The following GDI2 variants were observed in gnomAD, a reference collection of about 807,000 sequenced individuals.
The protein encoded by GDI2 is GDP dissociation inhibitor 2.
GDI2 carries 22 observed loss-of-function variants against 54.2 expected under a neutral mutation model. The observed-to-expected ratio is 0.41, with a 90% confidence interval of 0.29 to 0.58. The LOEUF (loss-of-function observed/expected upper bound fraction) is 0.58. Ranked by LOEUF, GDI2 falls within the 20% of genes least tolerant of loss-of-function variation. The pLI, the probability that GDI2 is intolerant of heterozygous loss-of-function variation, is 0.35. For missense variants in GDI2, 422 were observed against 546.0 expected (o/e 0.77, Z 2.26); for synonymous variants, 177 against 182.1 (o/e 0.97, Z 0.23).
chr10:5,771,490 C>T (rs1415576974), intron 7 of GDI2, among the ~76,000 whole-genome samples: 3 of 152,184 alleles, frequency 2.0e-5, no homozygotes, highest in Non-Finnish European at 4.4e-5. Flanking sequence ...CAAGACAATT[C>T]TTCCTCTTCC....
At chr10:5,801,824 A>G (rs2131716272) in intron 1 of GDI2, among the ~76,000 whole-genome samples, 1 of 152,230 alleles carries the variant, frequency 6.6e-6, no homozygotes, top group Middle Eastern at 3.4e-3. Flanking sequence ...CAGCCTGGGC[A>G]ATACGGTGAA....
intron 2 of GDI2, among the ~76,000 whole-genome samples, chr10:5,799,997 T>C (rs2131713965): frequency 6.6e-6 from 1 of 152,338 alleles, no homozygotes; most frequent in East Asian, 1.9e-4. Context: ...TCCTTTTTGG[T>C]AAGTATTGTC....
At chr10:5,811,149 C>A (rs1405328975) in intron 1 of GDI2, among the ~76,000 whole-genome samples, 1 of 152,134 alleles carries the variant, frequency 6.6e-6, no homozygotes. Flanking sequence ...TATATGATTT[C>A]TCATTATCAA....
At chr10:5,807,820 T>C (rs1005276163) in intron 1 of GDI2, among the ~76,000 whole-genome samples, 1 of 152,144 alleles carries the variant, frequency 6.6e-6, no homozygotes, top group Non-Finnish European at 1.5e-5. Context: ...AATAACTCAT[T>C]TGGACAACAC....
intron 1 of GDI2, among the ~76,000 whole-genome samples, chr10:5,813,000 C>T (rs1017918782): frequency 7.2e-5 from 11 of 152,324 alleles, no homozygotes; most frequent in South Asian, 4.1e-4. Flanking sequence ...ATCTCCATTT[C>T]CCCGCCTGCC....
chr10:5,786,796 T>C (rs964189998), intron 4 of GDI2, among the ~76,000 whole-genome samples: 5 of 152,224 alleles, frequency 3.3e-5, no homozygotes, highest in African/African-American at 7.2e-5. Flanking sequence ...AACCGGGCAC[T>C]TAATGATAAC....
intron 5 of GDI2, among the ~76,000 whole-genome samples, chr10:5,785,644 G>A (rs1473044045): frequency 2.0e-5 from 3 of 152,164 alleles, no homozygotes; most frequent in Non-Finnish European, 4.4e-5. Context: ...CCAAAGTGCT[G>A]GGATCACAGG....
At chr10:5,809,301 T>C (rs1841442424) in intron 1 of GDI2, among the ~76,000 whole-genome samples, 1 of 151,678 alleles carries the variant, frequency 6.6e-6, no homozygotes, top group Non-Finnish European at 1.5e-5. Context: ...ATGTGGCTAA[T>C]TATATCACTC....
At chr10:5,775,326 T>C (rs1468043440) in intron 6 of GDI2, among the ~76,000 whole-genome samples, 2 of 152,094 alleles carry the variant, frequency 1.3e-5, no homozygotes, top group Non-Finnish European at 1.5e-5. Flanking sequence ...AAGGCAGCAC[T>C]GGAGAATGAC....
chr10:5,776,265 A>G lies in GDI2; in HGVS notation c.720-2324T>C. On this transcript the variant is annotated intron_variant, in intron 6 of 10. Coordinates refer to ENST00000380191, the MANE Select transcript of GDI2 (RefSeq NM_001494.4). This position sits in a 1 kb window ranked among gnomAD's most constrained non-coding sequence, Gnocchi z 5.3. The stretch of plus-strand genomic sequence containing the variant: ...CGCCTCCTCATCCAAGACAGGTGGA[A>G]AAGGGCCCAGCGTGAAAAGACTGAA... 2.0e-6 allele frequency: 1 copy of G among 504,542 alleles called. No individual in the cohort carries two copies. The allele number at this position is 504,542 out of a possible 1,614,324, so 31.3% of individuals were successfully genotyped here. A position where few individuals can be genotyped will look rare whatever the true frequency, so the allele number is the denominator to read the frequency against.
chr10:5,775,646 G>A (rs982252263), intron 6 of GDI2, among the ~76,000 whole-genome samples: 1 of 152,200 alleles, frequency 6.6e-6, no homozygotes, highest in South Asian at 2.1e-4. Flanking sequence ...GCTCACACAG[G>A]AGGGAAAAGC....
intron 6 of GDI2, among the ~76,000 whole-genome samples, chr10:5,781,402 C>T (rs113887475): frequency 0.017 from 2,559 of 149,810 alleles, 23 homozygotes; most frequent in Middle Eastern, 0.042. Context: ...CCAAGGCAGG[C>T]GGATCATGAA....
intron 4 of GDI2, 49 bp downstream of exon 4, chr10:5,794,836 T>A: frequency 7.8e-7 from 1 of 1,287,762 alleles, no homozygotes; most frequent in Non-Finnish European, 1.1e-6. Flanking sequence ...TAAAATCTCA[T>A]TATTCTGAGA....
rs572147655 is a variant in GDI2, at chr10:5,801,549, G to A, written c.46-844C>T. Among the ~76,000 whole-genome samples, 5 of 152,130 alleles carry A rather than the reference G, an allele frequency of 3.3e-5. No homozygotes were observed. The East Asian group carries it at 9.7e-4, about 30-fold the overall frequency. ...AAATTAGCCGGGCATGGTGGCACAT[G>A]CCTGTAATCCTAGCTATTCAAGAGG... On this transcript the variant is annotated intron_variant, in intron 1 of 10. Coordinates refer to ENST00000380191, the MANE Select transcript of GDI2 (RefSeq NM_001494.4).
At chr10:5,775,771 G>C (rs1271448748) in intron 6 of GDI2, among the ~76,000 whole-genome samples, 1 of 152,212 alleles carries the variant, frequency 6.6e-6, no homozygotes, top group Non-Finnish European at 1.5e-5. Flanking sequence ...GTTCAAAGGA[G>C]CTTGCTTACT....
intron 8 of GDI2, among the ~76,000 whole-genome samples, chr10:5,767,156 G>A (rs574651029): frequency 1.3e-5 from 2 of 151,416 alleles, no homozygotes; most frequent in South Asian, 4.2e-4. Context: ...TCATTTCCAG[G>A]ATAGAAAATC....
In GDI2 at chr10:5,765,808, G is replaced by A; in HGVS notation, c.*198C>T. ...AGTTTGGTTAAATTGAACAGAATGTGGTAACTGCCAATGCTGAATAGCCAC... is the reference window on the plus strand; with the variant it reads ...AGTTTGGTTAAATTGAACAGAATGTAGTAACTGCCAATGCTGAATAGCCAC... On this transcript the variant is annotated 3_prime_UTR_variant, in exon 11 of 11. Coordinates refer to ENST00000380191, the MANE Select transcript of GDI2 (RefSeq NM_001494.4). The A allele has an allele frequency of 4.0e-6, 2 of 498,540 alleles. No individual in the cohort carries two copies. Among genetic ancestry groups the A allele is most frequent in the South Asian group, 6.6e-5 (2 of 30,482 alleles). The allele number at this position is 498,540 out of a possible 1,614,324, so 30.9% of individuals were successfully genotyped here. A position where few individuals can be genotyped will look rare whatever the true frequency, so the allele number is the denominator to read the frequency against.
chr10:5,773,231 A>T (rs12570881), intron 7 of GDI2, among the ~76,000 whole-genome samples: 21,861 of 152,206 alleles, frequency 0.14, 1,918 homozygotes, highest in Admixed American at 0.22. Context: ...AGATTTTTAG[A>T]ATTCCAGTGA....
At chr10:5,812,127 T>C (rs1841489573) in intron 1 of GDI2, among the ~76,000 whole-genome samples, 1 of 151,696 alleles carries the variant, frequency 6.6e-6, no homozygotes, top group Non-Finnish European at 1.5e-5. Flanking sequence ...AGCCCAAAGT[T>C]AGAATTTCAA....
Sources: allele counts gnomAD v4.1 joint callset (sites outside exome capture counted in the v4.1 genomes callset), GRCh38; gene constraint gnomAD v4.1.1; non-coding constraint Gnocchi (gnomAD v3.1); transcripts MANE v1.5; gene names NCBI Gene and HGNC (gene_info 2026-07-23, HGNC 2026-07-21).